Variants in FAM219A observed in about 807,000 individuals in gnomAD.
FAM219A encodes the protein family with sequence similarity 219 member A, also known as protein FAM219A.
In FAM219A, 7 loss-of-function variants were observed where a neutral mutation model predicts 23.4. That is an observed-to-expected ratio of 0.30 (90% confidence interval 0.17 to 0.56). The LOEUF is 0.56. Ranked by LOEUF, FAM219A falls within the 20% of genes least tolerant of loss-of-function variation. The pLI is 0.92. For missense variants in FAM219A, 166 were observed against 246.9 expected (o/e 0.67, Z 2.20); for synonymous variants, 93 against 99.0 (o/e 0.94, Z 0.36).
chr9:34,439,734 G>A (rs1040933490), intron 1 of FAM219A, among the ~76,000 whole-genome samples: 1 of 152,140 alleles, frequency 6.6e-6, no homozygotes, highest in African/African-American at 2.4e-5. Context: ...TGGAGGAAAA[G>A]CCAGTGATGC....
rs1051811747 is a variant in FAM219A at position 34,398,340 on chromosome 9, C to G, written c.*2624G>C. 3.2e-6 allele frequency: 5 copies of G among 1,550,616 alleles called. No individual in the cohort carries two copies. The African/African-American group carries it at 5.5e-5, about 17-fold the overall frequency. ...AAATAAATTAGTGAGCACGGAGAAA[C>G]CTGGCTGGGTGGCAGCCACAGCTGA... On this transcript the variant is annotated 3_prime_UTR_variant, in exon 6 of 6. Coordinates refer to ENST00000651358, the MANE Select transcript of FAM219A (RefSeq NM_001184940.2).
intron 1 of FAM219A, among the ~76,000 whole-genome samples, chr9:34,424,357 C>A (rs1006514018): frequency 6.6e-6 from 1 of 152,030 alleles, no homozygotes; most frequent in Admixed American, 6.5e-5. Context: ...GTGAGGCTTG[C>A]AAGTCCTCAC....
At position 34,449,117 on chromosome 9, in the gene FAM219A, T is replaced by C. The variant is rs189652286; in HGVS notation, c.60+9087A>G. Among the ~76,000 whole-genome samples the C allele has an allele frequency of 3.0e-3, 461 of 152,192 alleles. 3 individuals carry two copies. Among genetic ancestry groups the C allele is most frequent in the Non-Finnish European group, 5.0e-3 (343 of 68,010 alleles). On this transcript the variant is annotated intron_variant, in intron 1 of 5. Transcript: ENST00000651358. Reference sequence around the variant, plus strand: ...GGGAGGACATGGCAGGTGGATCTCTTGAGCCCAGGAATTTGAGACCAACCT... The same window carrying C: ...GGGAGGACATGGCAGGTGGATCTCTCGAGCCCAGGAATTTGAGACCAACCT...
intron 1 of FAM219A, among the ~76,000 whole-genome samples, chr9:34,427,510 T>C (rs1287470686): frequency 6.6e-6 from 1 of 152,216 alleles, no homozygotes; most frequent in Admixed American, 6.5e-5. Flanking sequence ...TTAGCAAATT[T>C]TATTTAAATG....
At chr9:34,433,136 A>G (rs1281862732) in intron 1 of FAM219A, among the ~76,000 whole-genome samples, 1 of 152,208 alleles carries the variant, frequency 6.6e-6, no homozygotes, top group Non-Finnish European at 1.5e-5. Flanking sequence ...TTATTTATTC[A>G]ATCATGTATT....
intron 1 of FAM219A, among the ~76,000 whole-genome samples, chr9:34,439,255 C>A (rs557085278): frequency 6.6e-6 from 1 of 152,226 alleles, no homozygotes; most frequent in African/African-American, 2.4e-5. Flanking sequence ...CCCACCAATT[C>A]CGGACACACT....
intron 1 of FAM219A, among the ~76,000 whole-genome samples, chr9:34,447,106 A>AT (rs1823403582): frequency 6.6e-6 from 1 of 152,232 alleles, no homozygotes; most frequent in Non-Finnish European, 1.5e-5. Flanking sequence ...CTTTCTGAGA[A>AT]TAAGAGTCAC....
chr9:34,402,308 C>T (rs1563996802), intron 4 of FAM219A, 79 bp downstream of exon 4: 1 of 1,614,044 alleles, frequency 6.2e-7, no homozygotes, highest in Non-Finnish European at 8.5e-7. Context: ...GACAATATAG[C>T]AGGTGTGGCC....
chr9:34,456,669 A>T (rs559676486), intron 1 of FAM219A, among the ~76,000 whole-genome samples: 1 of 152,340 alleles, frequency 6.6e-6, no homozygotes, highest in Admixed American at 6.5e-5. Context: ...TCCTTCTTTA[A>T]GTTCATGGGA....
At chr9:34,425,920 C>T (rs1188824757) in intron 1 of FAM219A, among the ~76,000 whole-genome samples, 1 of 152,168 alleles carries the variant, frequency 6.6e-6, no homozygotes, top group Non-Finnish European at 1.5e-5. Flanking sequence ...TTAAGTAACC[C>T]AATAGGCTGA....
At chr9:34,430,166 TGGTCTTGGAAAGAGAAGA>T (rs1190323541) in intron 1 of FAM219A, among the ~76,000 whole-genome samples, 1 of 152,164 alleles carries the variant, frequency 6.6e-6, no homozygotes, top group Admixed American at 6.5e-5. Flanking sequence ...CCTACAGGGC[TGGTCTTGGAAAGAGAAGA>T]GGTCATGCCC....
chr9:34,434,809 T>C (rs1477095205), intron 1 of FAM219A, among the ~76,000 whole-genome samples: 2 of 146,182 alleles, frequency 1.4e-5, no homozygotes, highest in African/African-American at 5.3e-5. Flanking sequence ...TCAATGTTGA[T>C]GGTTTTCTTT....
rs773195042 is a variant in FAM219A, at chr9:34,401,658, G to A, written c.399+8C>T. On this transcript the variant is annotated splice_region_variant and intron_variant, in intron 5 of 5. Coordinates refer to ENST00000651358, the MANE Select transcript of FAM219A (RefSeq NM_001184940.2). ...TGGTGTCTAGGGTGAGAAGGGGTAG[G>A]GGCTCACCTCAGCAGAGGAGTAGCC... The A allele has an allele frequency of 2.5e-6, 4 of 1,605,948 alleles. No individual in the cohort carries two copies. The East Asian group carries it at 9.0e-5, about 36-fold the overall frequency.
intron 1 of FAM219A, among the ~76,000 whole-genome samples, chr9:34,455,077 C>G (rs982832501): frequency 6.6e-6 from 1 of 152,136 alleles, no homozygotes; most frequent in African/African-American, 2.4e-5. Flanking sequence ...ACTGTGGGCT[C>G]AAGGGCAGGG....
intron 1 of FAM219A, among the ~76,000 whole-genome samples, chr9:34,427,943 A>C (rs1223489511): frequency 6.6e-6 from 1 of 152,220 alleles, no homozygotes; most frequent in Non-Finnish European, 1.5e-5. Flanking sequence ...TTTCAGGTCA[A>C]CTTCTCATGG....
At chr9:34,456,934 G>A (rs997059159) in intron 1 of FAM219A, among the ~76,000 whole-genome samples, 1 of 152,140 alleles carries the variant, frequency 6.6e-6, no homozygotes, top group Non-Finnish European at 1.5e-5. Flanking sequence ...CCCTGCCGAG[G>A]CCCATCTTGG....
At chr9:34,447,265 G>T (rs887569421) in intron 1 of FAM219A, among the ~76,000 whole-genome samples, 2 of 152,230 alleles carry the variant, frequency 1.3e-5, no homozygotes, top group Admixed American at 1.3e-4. Flanking sequence ...GGAAAGGGCT[G>T]CTCTGTTCCA....
At chr9:34,453,001 T>G (rs1286038851) in intron 1 of FAM219A, among the ~76,000 whole-genome samples, 1 of 152,166 alleles carries the variant, frequency 6.6e-6, no homozygotes, top group African/African-American at 2.4e-5. Flanking sequence ...AGGTTCTTAC[T>G]TGGTGTTTGT....
In FAM219A at chr9:34,458,433, G is replaced by A. The variant is rs1823851922; in HGVS notation, c.-170C>T. ...AGGGGTGGGCGGGGGCGAGAGGTTC[G>A]CAGACTGGCTGAGGCCGGCGTGACT... On this transcript the variant is annotated 5_prime_UTR_variant, in exon 1 of 6. Coordinates refer to ENST00000651358, the MANE Select transcript of FAM219A (RefSeq NM_001184940.2). The surrounding 1 kb of genome is among the most constrained non-coding windows in gnomAD (Gnocchi z 6.6). 2 of 370,774 alleles carry A rather than the reference G, an allele frequency of 5.4e-6. No homozygotes were observed. The highest frequency in any genetic ancestry group is 8.0e-5 in the South Asian group (1 of 12,446). 23.0% of individuals were successfully genotyped at this position (370,774 alleles called of 1,614,324 possible).
Sources: gnomAD v4.1 joint callset for allele counts (sites outside exome capture counted in the v4.1 genomes callset) on GRCh38, gnomAD v4.1.1 for gene constraint, Gnocchi (gnomAD v3.1) non-coding constraint, MANE v1.5 for transcripts, NCBI Gene and HGNC (gene_info 2026-07-23, HGNC 2026-07-21) for gene names.